Variants in OR13A1 observed in about 807,000 individuals in gnomAD.
OR13A1 encodes olfactory receptor family 13 subfamily A member 1, also known as olfactory receptor 13A1.
OR13A1 carries 10 observed loss-of-function variants against 7.5 expected under a neutral mutation model. The observed-to-expected ratio is 1.34, with a 90% CI of 0.83 to 2.27. The LOEUF (loss-of-function observed/expected upper bound fraction) is 2.27, where lower values mean the gene tolerates loss of function less well. Among genes scored for constraint, OR13A1 ranks in the 30% most tolerant of loss-of-function variants. The pLI is 0.00. For missense variants in OR13A1, 509 were observed against 419.1 expected, an observed-to-expected ratio of 1.21 and a Z score of -1.87; for synonymous variants, 238 against 177.9, an observed-to-expected ratio of 1.34 and a Z score of -2.69.
Position 45,303,677 on chromosome 10 carries a change from G to T in OR13A1, c.746C>A (p.Ala249Asp). 1 of 1,614,154 alleles carries T rather than the reference G, an allele frequency of 6.2e-7. No homozygotes were observed. The highest frequency in any genetic ancestry group is 8.5e-7 in the Non-Finnish European group (1 of 1,180,028). ...IVSSILKVKT[A>D]WGRQKAFSTC... Reference sequence around the variant, plus strand: ...GGAGAAGGCTTTCTGCCTCCCCCAGGCAGTCTTCACCTTCAGGATGCTGGA... The same window carrying T: ...GGAGAAGGCTTTCTGCCTCCCCCAGTCAGTCTTCACCTTCAGGATGCTGGA... The change falls in exon 4 of 4, where the codon GCC (alanine) becomes GAC (aspartate). Residue 249 changes from alanine to aspartate, a missense_variant. Coordinates refer to ENST00000553795, the MANE Select transcript of OR13A1 (RefSeq NM_001004297.3).
rs1339830023 is a variant in OR13A1, at chr10:45,304,318, A to G, written c.105T>C (p.Phe35=). The G allele has an allele frequency of 6.2e-6, 10 of 1,614,136 alleles. No homozygotes were observed. In the South Asian group the frequency reaches 9.9e-5, roughly 16 times the overall value. The change falls in exon 4 of 4, where the codon TTT becomes TTC. Residue 35 remains phenylalanine (F), a synonymous_variant. Coordinates refer to ENST00000553795, the MANE Select transcript of OR13A1 (RefSeq NM_001004297.3). The part of the protein sequence containing the change: ...TLVTEFILQG[F]SEHPEYRVFL... ...ACACCCGGTATTCTGGGTGCTCCGAAAAGCCCTGCAGGATGAACTCGGTTA... is the reference window on the plus strand; with the variant it reads ...ACACCCGGTATTCTGGGTGCTCCGAGAAGCCCTGCAGGATGAACTCGGTTA...
intron 1 of OR13A1, among the ~76,000 whole-genome samples, chr10:45,311,190 A>G (rs1588945259): frequency 6.6e-6 from 1 of 152,160 alleles, no homozygotes; most frequent in East Asian, 1.9e-4. Flanking sequence ...TCCTTTTAAA[A>G]CTTTTTAGTT....
chr10:45,303,605 A>G lies in OR13A1; in HGVS notation c.818T>C (p.Val273Ala). Residue 273 changes from valine to alanine, a missense_variant, in exon 4 of 4, where the codon GTC becomes GCC. Physicochemically the swap from Val to Ala is moderately conservative, Grantham distance 64. Transcript: ENST00000553795. ...LTVVCMYYTA[V>A]FYAYISPVSG... is the part of the protein sequence containing the mutation. ...GACCGGGCTTATGTAGGCGTAGAAG[A>G]CAGCGGTGTAATACATGCACACCAC... 3.7e-6 allele frequency: 6 copies of G among 1,613,718 alleles called. No individual in the cohort carries two copies. The highest frequency in any genetic ancestry group is 5.1e-6 in the Non-Finnish European group (6 of 1,179,926).
chr10:45,311,945 T>C (rs10159570), intron 1 of OR13A1, among the ~76,000 whole-genome samples: 13,999 of 152,122 alleles, frequency 0.092, 2,182 homozygotes, highest in African/African-American at 0.32. Flanking sequence ...GATGAACAAT[T>C]TCTAGAGATG....
chr10:45,313,634 C>G (rs1243378579), intron 1 of OR13A1, among the ~76,000 whole-genome samples: 2 of 151,844 alleles, frequency 1.3e-5, no homozygotes, highest in Non-Finnish European at 2.9e-5. Context: ...TACTATCCAA[C>G]AAAATAGACT....
chr10:45,308,220 A>G (rs1838375651), intron 1 of OR13A1, among the ~76,000 whole-genome samples: 1 of 152,254 alleles, frequency 6.6e-6, no homozygotes, highest in South Asian at 2.1e-4. Flanking sequence ...GTCAAATCTG[A>G]AAGACATTTT....
Position 45,307,425 on chromosome 10 carries a change from C to T in OR13A1, c.-13+1G>A, listed in dbSNP as rs1838354477. ...GAGCAAATTAGCCCTCAGGTAATTA[C>T]CCACTTATTGTGATTGGGTGGGGAC... On this transcript the variant is annotated splice_donor_variant, in intron 3 of 3. Coordinates refer to ENST00000553795, the MANE Select transcript of OR13A1 (RefSeq NM_001004297.3). LOFTEE classifies it low-confidence loss of function (5UTR_SPLICE). The T allele has an allele frequency of 6.6e-6, 1 of 152,164 alleles. No homozygotes were observed. The highest frequency in any genetic ancestry group is 2.1e-4 in the South Asian group (1 of 4,826). The allele number at this position is 152,164 out of a possible 1,614,324, so 9.4% of individuals were successfully genotyped here.
chr10:45,315,121 G>T (rs943904487), intron 1 of OR13A1, among the ~76,000 whole-genome samples: 2 of 152,162 alleles, frequency 1.3e-5, no homozygotes, highest in Non-Finnish European at 2.9e-5. Context: ...TATTTGTGAT[G>T]ATCAGGTTGG....
At position 45,304,362 on chromosome 10, in the gene OR13A1, T is replaced by A; in HGVS notation, c.61A>T (p.Met21Leu). ...TCGGTTACCAACGTCTGGTTACTCATCATCCTTGGGCTGGGACGGGTTTCT... is the reference window on the plus strand; with the variant it reads ...TCGGTTACCAACGTCTGGTTACTCAACATCCTTGGGCTGGGACGGGTTTCT... Reference protein sequence around the residue: ...VPETRPSPRMMSNQTLVTEFI... With the variant: ...VPETRPSPRMLSNQTLVTEFI... Residue 21 changes from methionine (M) to leucine (L), a missense_variant, in exon 4 of 4, where the codon ATG (methionine) becomes TTG (leucine). Coordinates refer to ENST00000553795, the MANE Select transcript of OR13A1 (RefSeq NM_001004297.3). 1 of 1,614,112 alleles carries A rather than the reference T, an allele frequency of 6.2e-7. No individual in the cohort carries two copies. The highest frequency in any genetic ancestry group is 8.5e-7 in the Non-Finnish European group (1 of 1,180,010).
chr10:45,309,451 G>T (rs1838400535), intron 1 of OR13A1, among the ~76,000 whole-genome samples: 1 of 151,970 alleles, frequency 6.6e-6, no homozygotes, highest in Non-Finnish European at 1.5e-5. Context: ...TCCCTGGAAG[G>T]AAAGGACCAC....
chr10:45,305,671 C>A (rs1175103344), intron 3 of OR13A1, among the ~76,000 whole-genome samples: 1 of 152,224 alleles, frequency 6.6e-6, no homozygotes, highest in African/African-American at 2.4e-5. Context: ...AGAACTCCAG[C>A]CATGCCCTGC....
intron 1 of OR13A1, among the ~76,000 whole-genome samples, chr10:45,310,235 T>C (rs1250525493): frequency 6.6e-6 from 1 of 152,194 alleles, no homozygotes; most frequent in Non-Finnish European, 1.5e-5. Context: ...GACCTAAATA[T>C]ATAGTGGCTT....
At position 45,303,494 on chromosome 10, in the gene OR13A1, A is replaced by T. The variant is rs187178865; in HGVS notation, c.929T>A (p.Leu310Ter). Residue 310 changes from leucine to a stop codon, truncating the protein, a stop_gained, in exon 4 of 4, where the codon TTG (leucine) becomes TAG (stop). Coordinates refer to ENST00000553795, the MANE Select transcript of OR13A1 (RefSeq NM_001004297.3). LOFTEE classifies it high-confidence loss of function. ...SPTLNPLIYT[L>*]RNKEVKAALR... The stretch of plus-strand genomic sequence containing the variant: ...GGCTGCTTTGACCTCCTTGTTTCTC[A>T]AAGTATAGATGAGGGGGTTGAGGGT... 18 of 1,612,636 alleles carry T rather than the reference A, an allele frequency of 1.1e-5. No homozygotes were observed. In the African/African-American group the frequency reaches 2.0e-4, roughly 18 times the overall value.
intron 1 of OR13A1, among the ~76,000 whole-genome samples, chr10:45,309,992 G>A (rs538577797): frequency 2.0e-5 from 3 of 152,104 alleles, no homozygotes; most frequent in South Asian, 2.1e-4. Context: ...ATAAGATGAC[G>A]TACATGAATC....
At chr10:45,312,415 G>A (rs1251852780) in intron 1 of OR13A1, among the ~76,000 whole-genome samples, 2 of 151,766 alleles carry the variant, frequency 1.3e-5, no homozygotes, top group East Asian at 1.9e-4. Flanking sequence ...TATACAATCA[G>A]TACAAGCAAG....
intron 3 of OR13A1, among the ~76,000 whole-genome samples, chr10:45,306,542 T>C (rs867999324): frequency 6.6e-5 from 10 of 152,234 alleles, no homozygotes; most frequent in African/African-American, 2.4e-4. Context: ...TTGGAAGATG[T>C]CCATTTTAAA....
At chr10:45,312,630 C>T (rs185968090) in intron 1 of OR13A1, among the ~76,000 whole-genome samples, 1 of 151,588 alleles carries the variant, frequency 6.6e-6, no homozygotes, top group East Asian at 1.9e-4. Context: ...TATAATCAAA[C>T]TCTCAAAAGT....
rs758330747 is a variant in OR13A1 at position 45,303,584 on chromosome 10, G to C, written c.839C>G (p.Pro280Arg). 2 of 1,614,120 alleles carry C rather than the reference G, an allele frequency of 1.2e-6. No individual in the cohort carries two copies. The highest frequency in any genetic ancestry group is 1.7e-6 in the Non-Finnish European group (2 of 1,180,032). ...CTTCCCTGCGCTGTAGCCAGAGACCGGGCTTATGTAGGCGTAGAAGACAGC... is the reference window on the plus strand; with the variant it reads ...CTTCCCTGCGCTGTAGCCAGAGACCCGGCTTATGTAGGCGTAGAAGACAGC... Reference protein sequence around the residue: ...YTAVFYAYISPVSGYSAGKSK... With the variant: ...YTAVFYAYISRVSGYSAGKSK... The change falls in exon 4 of 4, where the codon CCG (proline) becomes CGG (arginine). Residue 280 changes from proline (P) to arginine (R), a missense_variant. Transcript: ENST00000553795.
intron 3 of OR13A1, among the ~76,000 whole-genome samples, chr10:45,306,436 G>C (rs577940002): frequency 7.2e-6 from 1 of 138,784 alleles, no homozygotes; most frequent in East Asian, 2.1e-4. Context: ...CTGGGTGACA[G>C]AGCGAGACTC....
Sources: allele counts gnomAD v4.1 joint callset (sites outside exome capture counted in the v4.1 genomes callset), GRCh38; gene constraint gnomAD v4.1.1; transcripts MANE v1.5; gene names NCBI Gene and HGNC (gene_info 2026-07-23, HGNC 2026-07-21).